CFAP46: variants seen among roughly 807,000 people sequenced by gnomAD.
CFAP46 encodes cilia and flagella associated protein 46.
In CFAP46, 245 loss-of-function variants were observed where a neutral mutation model predicts 325.7. The observed-to-expected ratio is 0.75, with a 90% CI of 0.68 to 0.84. The LOEUF is 0.84. Ranked by LOEUF, CFAP46 falls within the 40% of genes least tolerant of loss-of-function variation. The probability of loss-of-function intolerance (pLI) is 0.00; values close to 1 mark genes in which losing one functional copy is unlikely to be tolerated. For synonymous variants in CFAP46, 1,523 were observed against 1,495.9 expected (o/e 1.02, Z -0.42); for missense variants, 3,346 against 3,543.0 (o/e 0.94, Z 1.41).
rs113640846 is a variant in CFAP46, at chr10:132,871,002, G to A, written c.4512-1630C>T. ...TCTCTTGCTAGGGGCTAACGCAGCCGGGGACTTTGAGTTGAAGCCAATCCT... is the reference window on the plus strand; with the variant it reads ...TCTCTTGCTAGGGGCTAACGCAGCCAGGGACTTTGAGTTGAAGCCAATCCT... On this transcript the variant is annotated intron_variant, in intron 32 of 57. Coordinates refer to ENST00000368586, the MANE Select transcript of CFAP46 (RefSeq NM_001200049.3). Among the ~76,000 whole-genome samples, 400 of 152,278 alleles carry A rather than the reference G, an allele frequency of 2.6e-3. 4 individuals are homozygous for A. The highest frequency in any genetic ancestry group is 9.0e-3 in the African/African-American group (373 of 41,552).
chr10:132,888,281 C>T (rs912493465), intron 25 of CFAP46, among the ~76,000 whole-genome samples: 2 of 151,592 alleles, frequency 1.3e-5, no homozygotes, highest in African/African-American at 2.4e-5. Flanking sequence ...ACCTGGCTCC[C>T]ATCCTGGGTG....
chr10:132,817,495 C>G lies in CFAP46; in HGVS notation c.7118-2581G>C, dbSNP rs77980992. ...TCTTACTACTTTATTTTTATTTGTC[C>G]TGGTTTTCTACCTGTTTCTCCATGA... is the stretch of plus-strand genomic sequence containing the variant. On this transcript the variant is annotated intron_variant, in intron 50 of 57. Transcript: ENST00000368586. The surrounding 1 kb of genome is among the most constrained non-coding windows in gnomAD (Gnocchi z 4.4). 0.041 allele frequency among the ~76,000 whole-genome samples: 6,294 copies of G among 152,274 alleles called. 178 individuals carry two copies. Among genetic ancestry groups the G allele is most frequent in the Middle Eastern group, 0.11 (31 of 294 alleles).
intron 1 of CFAP46, 106 bp from the exon 2 acceptor site, chr10:132,942,210 CA>C: frequency 7.0e-7 from 1 of 1,434,780 alleles, no homozygotes; most frequent in Non-Finnish European, 9.4e-7. Flanking sequence ...GCCCCCGGGC[CA>C]CAGCCACCGT....
In CFAP46 at chr10:132,813,070, T is replaced by A. The variant is rs372503039; in HGVS notation, c.7389-173A>T. ...CACGCCTCCCTCCTCTGTGCTCTGA[T>A]CACAGGGGTCACGGCGGAGCCTAGT... On this transcript the variant is annotated intron_variant, in intron 54 of 57. Coordinates refer to ENST00000368586, the MANE Select transcript of CFAP46 (RefSeq NM_001200049.3). Among the ~76,000 whole-genome samples the A allele has an allele frequency of 3.3e-5, 5 of 152,254 alleles. 1 individual carries two copies. Among genetic ancestry groups the A allele is most frequent in the Non-Finnish European group, 1.5e-5 (1 of 67,990 alleles).
chr10:132,860,496 T>C lies in CFAP46; in HGVS notation c.5119A>G (p.Asn1707Asp). Residue 1707 changes from asparagine (N) to aspartate (D), a missense_variant, in exon 37 of 58, where the codon AAT (asparagine) becomes GAT (aspartate). Coordinates refer to ENST00000368586, the MANE Select transcript of CFAP46 (RefSeq NM_001200049.3). ...TCTTTCTTGAGGATCTTGAAGGCAT[T>C]GATGAGCTTCTGAAATATGTGACAC... ...TVCHIFQKLINAFKILKKERP... is the reference protein window; with the variant it reads ...TVCHIFQKLIDAFKILKKERP... 2.6e-6 allele frequency: 4 copies of C among 1,551,054 alleles called. No homozygotes were observed. Among genetic ancestry groups the C allele is most frequent in the Non-Finnish European group, 3.5e-6 (4 of 1,147,038 alleles).
intron 19 of CFAP46, 77 bp downstream of exon 19, chr10:132,912,578 T>TCTCCTCTTTCA (rs1849566102): frequency 1.7e-4 from 234 of 1,401,186 alleles, no homozygotes; most frequent in Admixed American, 8.4e-4. Context: ...CTTTCACCTC[T>TCTCCTCTTTCA]CCTCTCCTCT....
chr10:132,821,951 T>TG (rs1847849844), intron 50 of CFAP46, among the ~76,000 whole-genome samples: 1 of 132,560 alleles, frequency 7.5e-6, no homozygotes. Context: ...GTGTGTGCGC[T>TG]TGTGTGTGCT....
At chr10:132,881,945 G>C (rs1157925477) in intron 27 of CFAP46, among the ~76,000 whole-genome samples, 1 of 152,228 alleles carries the variant, frequency 6.6e-6, no homozygotes, top group Non-Finnish European at 1.5e-5. Flanking sequence ...CATGGGGTGT[G>C]AGTGGTGCAT....
chr10:132,893,855 C>T lies in CFAP46; in HGVS notation c.3220-1438G>A, dbSNP rs190755212. Reference sequence around the variant, plus strand: ...AGTCTTTCTTCTGAGGAGGCAAGAACTGAGGTTGCTGCAGCCCCCTGTGGG... The same window carrying T: ...AGTCTTTCTTCTGAGGAGGCAAGAATTGAGGTTGCTGCAGCCCCCTGTGGG... On this transcript the variant is annotated intron_variant, in intron 24 of 57. Transcript: ENST00000368586. 2.6e-3 allele frequency among the ~76,000 whole-genome samples: 403 copies of T among 152,178 alleles called. 2 individuals are homozygous for T. The highest frequency in any genetic ancestry group is 9.2e-3 in the African/African-American group (379 of 41,420).
chr10:132,934,035 G>A (rs1313007073), intron 8 of CFAP46, among the ~76,000 whole-genome samples: 2 of 152,214 alleles, frequency 1.3e-5, no homozygotes, highest in Non-Finnish European at 2.9e-5. Context: ...GTGAGGTCAT[G>A]GACCTGTGTT....
intron 13 of CFAP46, 101 bp downstream of exon 13, chr10:132,922,003 G>A (rs1373292776): frequency 1.5e-6 from 2 of 1,378,514 alleles, no homozygotes; most frequent in Non-Finnish European, 1.9e-6. Context: ...CATCCAGGGG[G>A]CGGTGGCAGG....
rs1200443457 is a variant in CFAP46 at position 132,887,358 on chromosome 10, CTCT to C, written c.3305-1402_3305-1400del. Among the ~76,000 whole-genome samples, 22 of 52,150 alleles carry C rather than the reference CTCT, an allele frequency of 4.2e-4. 1 individual carries two copies. Among genetic ancestry groups the C allele is most frequent in the African/African-American group, 1.3e-3 (21 of 16,260 alleles). The allele number at this position is 52,150 out of a possible 152,430, so 34.2% of individuals were successfully genotyped here. On this transcript the variant is annotated intron_variant, in intron 25 of 57. Coordinates refer to ENST00000368586, the MANE Select transcript of CFAP46 (RefSeq NM_001200049.3). Reference sequence around the variant, plus strand: ...TCTCTCTCTCCTCTCCTCTCCTCCCCTCTTCTTTCCTCTCCCCTCTTCTCTCTC... The same window carrying C: ...TCTCTCTCTCCTCTCCTCTCCTCCCCTCTTTCCTCTCCCCTCTTCTCTCTC...
chr10:132,887,453 TCCTCTCCC>T (rs1849164368), intron 25 of CFAP46, among the ~76,000 whole-genome samples: 1 of 110,164 alleles, frequency 9.1e-6, no homozygotes, highest in African/African-American at 3.6e-5. Flanking sequence ...CTCTTCTCTC[TCCTCTCCC>T]CTCTTCTCTC....
At position 132,851,117 on chromosome 10, in the gene CFAP46, C is replaced by T. The variant is rs767296515; in HGVS notation, c.5763G>A (p.Leu1921=). Residue 1921 remains leucine, a splice_region_variant and synonymous_variant, in exon 40 of 58, where the codon CTG becomes CTA. Coordinates refer to ENST00000368586, the MANE Select transcript of CFAP46 (RefSeq NM_001200049.3). ...GGGAATCTGTGACCCCAGCAATTAC[C>T]AGGCCGACGGAAGTGTAGTCACTGG... ...QNTSDYTSVG[L]QWFTLKRTLA... 6.2e-7 allele frequency: 1 copy of T among 1,613,688 alleles called. No homozygotes were observed. The highest frequency in any genetic ancestry group is 8.5e-7 in the Non-Finnish European group (1 of 1,179,950).
intron 3 of CFAP46, 87 bp from the exon 4 acceptor site, chr10:132,941,147 TTGG>T (rs1850093932): frequency 7.4e-7 from 1 of 1,350,462 alleles, no homozygotes; most frequent in African/African-American, 1.4e-5. Context: ...TCCCTCACGG[TTGG>T]CCTGGTACCC....
At chr10:132,902,987 C>T (rs1244270307) in intron 22 of CFAP46, among the ~76,000 whole-genome samples, 1 of 148,328 alleles carries the variant, frequency 6.7e-6, no homozygotes, top group Non-Finnish European at 1.5e-5. Flanking sequence ...TTTCTGAATG[C>T]CTGGAGTTCA....
In CFAP46 at chr10:132,889,161, G is replaced by A. The variant is rs557485218; in HGVS notation, c.3304+3172C>T. Among the ~76,000 whole-genome samples the A allele has an allele frequency of 1.5e-4, 23 of 152,282 alleles. No homozygotes were observed. The highest frequency in any genetic ancestry group is 5.3e-4 in the African/African-American group (22 of 41,572). On this transcript the variant is annotated intron_variant, in intron 25 of 57. Transcript: ENST00000368586. This position sits in a 1 kb window ranked among gnomAD's most constrained non-coding sequence, Gnocchi z 6.0. ...GCCACAGTGCTGAGGGCTGGAGTCCGTGTCATCCTGCACCAGCCCCGTCAT... is the reference window on the plus strand; with the variant it reads ...GCCACAGTGCTGAGGGCTGGAGTCCATGTCATCCTGCACCAGCCCCGTCAT...
chr10:132,916,428 C>T (rs1236237425), intron 17 of CFAP46, 121 bp downstream of exon 17: 13 of 1,112,614 alleles, frequency 1.2e-5, no homozygotes, highest in African/African-American at 3.3e-5. Flanking sequence ...ACGTCCCCCA[C>T]GCAAGAAGCC....
intron 11 of CFAP46, 28 bp downstream of exon 11, chr10:132,924,668 G>A (rs1849779069): frequency 1.4e-6 from 2 of 1,455,754 alleles, no homozygotes; most frequent in Non-Finnish European, 1.8e-6. Flanking sequence ...GCCCTCTGTG[G>A]AGGACACAGC....
Sources: gnomAD v4.1 joint callset for allele counts (sites outside exome capture counted in the v4.1 genomes callset) on GRCh38, gnomAD v4.1.1 for gene constraint, Gnocchi (gnomAD v3.1) non-coding constraint, MANE v1.5 for transcripts, NCBI Gene and HGNC (gene_info 2026-07-23, HGNC 2026-07-21) for gene names.